Variants in PUM2 observed in about 807,000 individuals in gnomAD.
PUM2 encodes pumilio homolog 2.
In PUM2, 57 loss-of-function variants were observed where a neutral mutation model predicts 124.5. That is an observed-to-expected ratio of 0.46 (90% CI 0.37 to 0.57). The LOEUF (loss-of-function observed/expected upper bound fraction) is 0.57, where lower values mean the gene tolerates loss of function less well. Ranked by LOEUF, PUM2 falls within the 20% of genes least tolerant of loss-of-function variation. The probability of loss-of-function intolerance (pLI) is 0.00; values close to 1 mark genes in which losing one functional copy is unlikely to be tolerated. For missense variants in PUM2, 1,065 were observed against 1,290.6 expected (o/e 0.83, Z 2.68); for synonymous variants, 460 against 446.1 (o/e 1.03, Z -0.39).
chr2:20,297,128 G>A (rs1022845879), intron 8 of PUM2, among the ~76,000 whole-genome samples: 2 of 152,038 alleles, frequency 1.3e-5, no homozygotes, highest in Non-Finnish European at 2.9e-5. Flanking sequence ...AGAAATTTTA[G>A]ATACATATTT....
At chr2:20,317,116 T>C (rs552599123) in intron 3 of PUM2, among the ~76,000 whole-genome samples, 1 of 152,080 alleles carries the variant, frequency 6.6e-6, no homozygotes, top group East Asian at 1.9e-4. Context: ...AGGATCTTTT[T>C]AGCCCAAAAG....
intron 1 of PUM2, among the ~76,000 whole-genome samples, chr2:20,346,061 T>A (rs1688190525): frequency 6.6e-6 from 1 of 152,144 alleles, no homozygotes; most frequent in African/African-American, 2.4e-5. Context: ...TGCACATAAT[T>A]TAGATATTAA....
In PUM2 at chr2:20,282,501, G is replaced by A. The variant is rs537667967; in HGVS notation, c.1720+446C>T. On this transcript the variant is annotated intron_variant, in intron 12 of 20. Transcript: ENST00000361078. ...TTATATTAGGCCAAATTTAAAAACT[G>A]TAATAAACTACCAGCATTTAATAAG... is the stretch of plus-strand genomic sequence containing the variant. Among the ~76,000 whole-genome samples the A allele has an allele frequency of 1.7e-4, 26 of 152,208 alleles. No homozygotes were observed. The South Asian group carries it at 5.0e-3, about 29-fold the overall frequency.
At chr2:20,261,539 A>G (rs1666279749) in intron 14 of PUM2, among the ~76,000 whole-genome samples, 2 of 151,604 alleles carry the variant, frequency 1.3e-5, no homozygotes, top group African/African-American at 2.4e-5. Flanking sequence ...TTAAAAAAAA[A>G]AAAAAAAGTA....
intron 1 of PUM2, among the ~76,000 whole-genome samples, chr2:20,330,075 T>C (rs1002839283): frequency 3.3e-5 from 5 of 151,818 alleles, no homozygotes; most frequent in African/African-American, 7.3e-5. Flanking sequence ...GTCCTGAAGA[T>C]TGCCAGAAAA....
intron 1 of PUM2, among the ~76,000 whole-genome samples, chr2:20,329,432 T>A (rs1572959278): frequency 8.1e-6 from 1 of 123,704 alleles, no homozygotes. Context: ...AGCCCCCTCA[T>A]CTCAAAAAAA....
At chr2:20,282,863 G>A in intron 12 of PUM2, 84 bp downstream of exon 12, 2 of 1,372,230 alleles carry the variant, frequency 1.5e-6, no homozygotes, top group Middle Eastern at 2.3e-4. Flanking sequence ...TATCCTACAT[G>A]CTATTATTGC....
chr2:20,293,851 T>C (rs1425415162), intron 9 of PUM2, among the ~76,000 whole-genome samples: 1 of 152,114 alleles, frequency 6.6e-6, no homozygotes, highest in East Asian at 1.9e-4. Flanking sequence ...TATTATAGTG[T>C]TTTTAGATTT....
chr2:20,319,484 C>A (rs1348580816), intron 2 of PUM2, among the ~76,000 whole-genome samples: 3 of 152,148 alleles, frequency 2.0e-5, no homozygotes, highest in Non-Finnish European at 4.4e-5. Flanking sequence ...AACAATAAAA[C>A]CTGTGTATAC....
chr2:20,257,430 A>G (rs1665080556), intron 16 of PUM2, among the ~76,000 whole-genome samples: 1 of 152,136 alleles, frequency 6.6e-6, no homozygotes, highest in East Asian at 1.9e-4. Flanking sequence ...TTAAACTACC[A>G]TTACCTTTTA....
intron 12 of PUM2, among the ~76,000 whole-genome samples, chr2:20,279,588 T>C (rs1671023850): frequency 6.6e-6 from 1 of 152,196 alleles, no homozygotes; most frequent in Non-Finnish European, 1.5e-5. Context: ...CATTTGATAA[T>C]ACACAATTTC....
Position 20,264,336 on chromosome 2 carries a change from C to CAAA in PUM2, c.1958-879_1958-877dup, listed in dbSNP as rs869149732. Among the ~76,000 whole-genome samples the CAAA allele has an allele frequency of 2.8e-4, 7 of 25,390 alleles. 1 individual carries two copies. The highest frequency in any genetic ancestry group is 1.0e-3 in the Admixed American group (1 of 1,004). 16.7% of individuals were successfully genotyped at this position (25,390 alleles called of 152,430 possible). On this transcript the variant is annotated intron_variant, in intron 13 of 20. Transcript: ENST00000361078. ...TGGGTGACACAGCAACACTCTGTCT[C>CAAA]AAAAAAAAAAAAAAAAAAAAAAAAA... is the stretch of plus-strand genomic sequence containing the variant.
intron 10 of PUM2, among the ~76,000 whole-genome samples, chr2:20,285,349 T>C (rs780742830): frequency 8.5e-5 from 13 of 152,196 alleles, no homozygotes; most frequent in Non-Finnish European, 1.5e-4. Context: ...GAGATTGATA[T>C]AAAAAGATAT....
intron 20 of PUM2, among the ~76,000 whole-genome samples, chr2:20,253,421 T>C (rs1663957718): frequency 6.6e-6 from 1 of 152,188 alleles, no homozygotes; most frequent in South Asian, 2.1e-4. Context: ...CAGACTGGTC[T>C]TGAACTCCTG....
At chr2:20,266,078 C>T (rs1667573146) in intron 13 of PUM2, among the ~76,000 whole-genome samples, 1 of 152,134 alleles carries the variant, frequency 6.6e-6, no homozygotes, top group Non-Finnish European at 1.5e-5. Context: ...AATAATATTA[C>T]ACTGCCTTGA....
Position 20,251,348 on chromosome 2 carries a change from C to A in PUM2, c.*237G>T. 1 of 353,046 alleles carries A rather than the reference C, an allele frequency of 2.8e-6. No homozygotes were observed. The highest frequency in any genetic ancestry group is 5.0e-6 in the Non-Finnish European group (1 of 198,104). The allele number at this position is 353,046 out of a possible 1,614,324, so 21.9% of individuals were successfully genotyped here. On this transcript the variant is annotated 3_prime_UTR_variant, in exon 21 of 21. Transcript: ENST00000361078. ...CATATACAGGCATTCTGTGCTTTGC[C>A]AGCAATCCAATCTGATAGGTCTCCA... is the stretch of plus-strand genomic sequence containing the variant.
At chr2:20,341,265 T>C (rs1687172747) in intron 1 of PUM2, among the ~76,000 whole-genome samples, 1 of 151,668 alleles carries the variant, frequency 6.6e-6, no homozygotes, top group South Asian at 2.1e-4. Context: ...CCAACACAAA[T>C]GAATTAACTA....
At chr2:20,273,370 T>C (rs1669482833) in intron 13 of PUM2, among the ~76,000 whole-genome samples, 1 of 152,226 alleles carries the variant, frequency 6.6e-6, no homozygotes, top group Non-Finnish European at 1.5e-5. Flanking sequence ...GCCAGAGTGA[T>C]TCTGATGCCA....
chr2:20,310,561 A>G (rs1021631004), intron 5 of PUM2, among the ~76,000 whole-genome samples: 10 of 152,192 alleles, frequency 6.6e-5, no homozygotes, highest in African/African-American at 2.4e-4. Context: ...TCTGAATAGC[A>G]TTAAATGTAT....
Sources: gnomAD v4.1 joint callset for allele counts (sites outside exome capture counted in the v4.1 genomes callset) on GRCh38, gnomAD v4.1.1 for gene constraint, MANE v1.5 for transcripts, NCBI Gene and HGNC (gene_info 2026-07-23, HGNC 2026-07-21) for gene names.